The following SCN4B variants were observed in gnomAD, a reference collection of about 807,000 sequenced individuals.
SCN4B encodes sodium voltage-gated channel beta subunit 4, also known as sodium channel regulatory subunit beta-4.
In SCN4B, 20 loss-of-function variants were observed where a neutral mutation model predicts 19.6. That is an observed-to-expected ratio of 1.02 (90% CI 0.72 to 1.48). SCN4B has a LOEUF of 1.48. Ranked by LOEUF, SCN4B falls within the 40% of genes most tolerant of loss-of-function variation. The pLI, the probability that SCN4B is intolerant of heterozygous loss-of-function variation, is 0.00. For synonymous variants in SCN4B, 127 were observed against 122.8 expected (o/e 1.03, Z -0.22); for missense variants, 271 against 287.5 (o/e 0.94, Z 0.42).
intron 1 of SCN4B, among the ~76,000 whole-genome samples, chr11:118,146,803 G>A (rs12282807): frequency 0.016 from 2,409 of 152,230 alleles, 77 homozygotes; most frequent in African/African-American, 0.055. Context: ...TATGAGTCAC[G>A]TACTATTATA....
rs1947978849 is a variant in SCN4B at position 118,135,264 on chromosome 11, GGCCACA to G, written c.*1757_*1762del. 2.2e-6 allele frequency: 1 copy of G among 453,844 alleles called. No individual in the cohort carries two copies. Among genetic ancestry groups the G allele is most frequent in the African/African-American group, 2.0e-5 (1 of 49,962 alleles). The allele number at this position is 453,844 out of a possible 1,614,324, so 28.1% of individuals were successfully genotyped here. ...CCCAGCAGGTTGGCTAAGGGACACT[GGCCACA>G]GCCACGGGCACCCTGCAGGTACTAC... is the stretch of plus-strand genomic sequence containing the variant. On this transcript the variant is annotated 3_prime_UTR_variant, in exon 5 of 5. Transcript: ENST00000324727.
At position 118,141,351 on chromosome 11, in the gene SCN4B, T is replaced by A; in HGVS notation, c.464-15A>T. ...CACTTCTTCCACTGTGTGGCCCGAG[T>A]AGGGAGGAAAGGGAAGGCACAAAGG... On this transcript the variant is annotated splice_polypyrimidine_tract_variant and intron_variant, in intron 3 of 4. Coordinates refer to ENST00000324727, the MANE Select transcript of SCN4B (RefSeq NM_174934.4). 1 of 1,611,666 alleles carries A rather than the reference T, an allele frequency of 6.2e-7. No individual in the cohort carries two copies. Among genetic ancestry groups the A allele is most frequent in the Admixed American group, 1.7e-5 (1 of 59,964 alleles).
intron 4 of SCN4B, among the ~76,000 whole-genome samples, chr11:118,138,502 CTCTT>C (rs959046559): frequency 6.6e-6 from 1 of 152,298 alleles, no homozygotes; most frequent in African/African-American, 2.4e-5. Context: ...CTGTCTCTCT[CTCTT>C]TCTTTCTTTC....
intron 1 of SCN4B, among the ~76,000 whole-genome samples, chr11:118,150,903 G>A (rs1948227421): frequency 6.6e-6 from 1 of 152,214 alleles, no homozygotes; most frequent in Non-Finnish European, 1.5e-5. Flanking sequence ...GCAGGGGACA[G>A]AGCAGATGAG....
Position 118,136,994 on chromosome 11 carries a change from G to A in SCN4B, c.*33C>T. On this transcript the variant is annotated 3_prime_UTR_variant, in exon 5 of 5. Coordinates refer to ENST00000324727, the MANE Select transcript of SCN4B (RefSeq NM_174934.4). ...GCATCAGTTTCATCATCAGAAAGGG[G>A]GCTCCCTGCAGCTGCTCAGCCCGAA... 6.9e-7 allele frequency: 1 copy of A among 1,449,212 alleles called. No homozygotes were observed. The highest frequency in any genetic ancestry group is 9.7e-7 in the Non-Finnish European group (1 of 1,030,314). The allele number at this position is 1,449,212 out of a possible 1,614,324, so 89.8% of individuals were successfully genotyped here. A position where few individuals can be genotyped will look rare whatever the true frequency, so the allele number is the denominator to read the frequency against.
In SCN4B at chr11:118,136,398, G is replaced by A. The variant is rs1291114431; in HGVS notation, c.*629C>T. 4 of 453,818 alleles carry A rather than the reference G, an allele frequency of 8.8e-6. No homozygotes were observed. Among genetic ancestry groups the A allele is most frequent in the Non-Finnish European group, 1.3e-5 (3 of 226,684 alleles). 28.1% of individuals were successfully genotyped at this position (453,818 alleles called of 1,614,324 possible). A position where few individuals can be genotyped will look rare whatever the true frequency, so the allele number is the denominator to read the frequency against. ...CCAGGGTGGCCAGCCCTGGTTGAGA[G>A]GGCTTAAAAACTCTGAGCAGGGGAG... is the stretch of plus-strand genomic sequence containing the variant. On this transcript the variant is annotated 3_prime_UTR_variant, in exon 5 of 5. Coordinates refer to ENST00000324727, the MANE Select transcript of SCN4B (RefSeq NM_174934.4).
Position 118,135,817 on chromosome 11 carries a change from C to CA in SCN4B, c.*1209dup. 2.2e-6 allele frequency: 1 copy of CA among 454,546 alleles called. No individual in the cohort carries two copies. The highest frequency in any genetic ancestry group is 4.4e-6 in the Non-Finnish European group (1 of 226,782). The allele number at this position is 454,546 out of a possible 1,614,324, so 28.2% of individuals were successfully genotyped here. On this transcript the variant is annotated 3_prime_UTR_variant, in exon 5 of 5. Coordinates refer to ENST00000324727, the MANE Select transcript of SCN4B (RefSeq NM_174934.4). Reference sequence around the variant, plus strand: ...TCTAGCCCCACACACAAGGGCTGTGCAAACCAGCTCTGGGAGAAGCAAAGG... The same window carrying CA: ...TCTAGCCCCACACACAAGGGCTGTGCAAAACCAGCTCTGGGAGAAGCAAAGG...
At chr11:118,145,335 A>C in intron 1 of SCN4B, 106 bp from the exon 2 acceptor site, 1 of 1,566,680 alleles carries the variant, frequency 6.4e-7, no homozygotes, top group Non-Finnish European at 8.6e-7. Context: ...GTAGGTCTCT[A>C]TCACCCTCAG....
chr11:118,135,872 C>T lies in SCN4B; in HGVS notation c.*1155G>A. The T allele has an allele frequency of 2.2e-6, 1 of 454,420 alleles. No homozygotes were observed. Among genetic ancestry groups the T allele is most frequent in the Non-Finnish European group, 4.4e-6 (1 of 226,732 alleles). The allele number at this position is 454,420 out of a possible 1,614,324, so 28.1% of individuals were successfully genotyped here. The stretch of plus-strand genomic sequence containing the variant: ...CTGTGGGCACCCACTCCCTGCTCCT[C>T]CCCAACCCCAGGGTGGGAGGGGGTG... On this transcript the variant is annotated 3_prime_UTR_variant, in exon 5 of 5. Transcript: ENST00000324727.
rs1489566165 is a variant in SCN4B at position 118,148,471 on chromosome 11, C to T, written c.62-3242G>A. 2.6e-5 allele frequency among the ~76,000 whole-genome samples: 4 copies of T among 152,220 alleles called. No homozygotes were observed. The East Asian group carries it at 7.7e-4, about 29-fold the overall frequency. ...GACTGGTGAGCATGCGCAAGGCAGG[C>T]CCCACTCTGCCAGCTGACCTTGAGA... On this transcript the variant is annotated intron_variant, in intron 1 of 4. Coordinates refer to ENST00000324727, the MANE Select transcript of SCN4B (RefSeq NM_174934.4). This position sits in a 1 kb window ranked among gnomAD's most constrained non-coding sequence, Gnocchi z 4.0.
At chr11:118,144,193 C>G in intron 2 of SCN4B, 132 bp from the exon 3 acceptor site, 1 of 674,826 alleles carries the variant, frequency 1.5e-6, no homozygotes, top group Non-Finnish European at 2.7e-6. Flanking sequence ...TGTAGTCACG[C>G]CCTGCTCCTT....
In SCN4B at chr11:118,134,067, C is replaced by T. The variant is rs1219307028; in HGVS notation, c.*2960G>A. ...TCCTGCCATCTCACAAGCATGCTCT[C>T]AAGCCCTCGCTCCACAAGAGCTCTG... On this transcript the variant is annotated 3_prime_UTR_variant, in exon 5 of 5. Transcript: ENST00000324727. 4.4e-6 allele frequency: 2 copies of T among 454,552 alleles called. No homozygotes were observed. The highest frequency in any genetic ancestry group is 4.7e-5 in the Admixed American group (2 of 42,582). The allele number at this position is 454,552 out of a possible 1,614,324, so 28.2% of individuals were successfully genotyped here.
chr11:118,144,898 T>C (rs1214615455), intron 2 of SCN4B, among the ~76,000 whole-genome samples, 159 bp downstream of exon 2: 1 of 152,132 alleles, frequency 6.6e-6, no homozygotes, highest in Non-Finnish European at 1.5e-5. Flanking sequence ...AGTTACATCC[T>C]TCCTGGCAGG....
At chr11:118,141,776 C>T in intron 3 of SCN4B, 1 of 207,824 alleles carries the variant, frequency 4.8e-6, no homozygotes, top group South Asian at 7.7e-5. Context: ...GTCAGATAGT[C>T]TGAATTTTAA....
chr11:118,138,957 C>A (rs1175590606), intron 4 of SCN4B, among the ~76,000 whole-genome samples: 1 of 152,044 alleles, frequency 6.6e-6, no homozygotes, highest in East Asian at 1.9e-4. Context: ...ACTCCAAGGA[C>A]CTCCCTCAGG....
At position 118,136,956 on chromosome 11, in the gene SCN4B, G is replaced by C; in HGVS notation, c.*71C>G. 4 of 1,067,620 alleles carry C rather than the reference G, an allele frequency of 3.7e-6. No individual in the cohort carries two copies. The highest frequency in any genetic ancestry group is 5.8e-6 in the Non-Finnish European group (4 of 692,112). The allele number at this position is 1,067,620 out of a possible 1,614,324, so 66.1% of individuals were successfully genotyped here. A position where few individuals can be genotyped will look rare whatever the true frequency, so the allele number is the denominator to read the frequency against. On this transcript the variant is annotated 3_prime_UTR_variant, in exon 5 of 5. Transcript: ENST00000324727. The stretch of plus-strand genomic sequence containing the variant: ...GATGTCTCAGGCACGTGGGTTCTAC[G>C]GTCGGGGCTCAAGCATCAGTTTCAT...
At chr11:118,151,176 G>T (rs901912968) in intron 1 of SCN4B, among the ~76,000 whole-genome samples, 2 of 151,776 alleles carry the variant, frequency 1.3e-5, no homozygotes, top group African/African-American at 4.9e-5. Flanking sequence ...CCTCTTGGTT[G>T]CCCACAGAGG....
At position 118,135,505 on chromosome 11, in the gene SCN4B, C is replaced by T. The variant is rs1223326838; in HGVS notation, c.*1522G>A. 3 of 454,108 alleles carry T rather than the reference C, an allele frequency of 6.6e-6. No individual in the cohort carries two copies. The Admixed American group carries it at 7.0e-5, about 11-fold the overall frequency. The allele number at this position is 454,108 out of a possible 1,614,324, so 28.1% of individuals were successfully genotyped here. A position where few individuals can be genotyped will look rare whatever the true frequency, so the allele number is the denominator to read the frequency against. On this transcript the variant is annotated 3_prime_UTR_variant, in exon 5 of 5. Transcript: ENST00000324727. ...CAGAGAGGCTTGTTACCACTTTTCCCTGCCATCCCTGGCCTCACCAATTCT... is the reference window on the plus strand; with the variant it reads ...CAGAGAGGCTTGTTACCACTTTTCCTTGCCATCCCTGGCCTCACCAATTCT...
At chr11:118,151,606 G>A (rs1948233359) in intron 1 of SCN4B, among the ~76,000 whole-genome samples, 1 of 152,226 alleles carries the variant, frequency 6.6e-6, no homozygotes, top group African/African-American at 2.4e-5. Context: ...TACATTCGCA[G>A]AAACAGTAGC....
Sources: gnomAD v4.1 joint callset for allele counts (sites outside exome capture counted in the v4.1 genomes callset) on GRCh38, gnomAD v4.1.1 for gene constraint, Gnocchi (gnomAD v3.1) non-coding constraint, MANE v1.5 for transcripts, NCBI Gene and HGNC (gene_info 2026-07-23, HGNC 2026-07-21) for gene names.